The following SLC10A6 variants were observed in gnomAD, a reference collection of about 807,000 sequenced individuals.
The protein encoded by SLC10A6 is sodium-dependent organic anion transporter.
A neutral mutation model predicts 30.0 loss-of-function variants in SLC10A6; 27 were observed. The observed-to-expected ratio is 0.90, with a 90% CI of 0.66 to 1.24. The LOEUF (loss-of-function observed/expected upper bound fraction) is 1.24, where lower values mean the gene tolerates loss of function less well. Among genes scored for constraint, SLC10A6 ranks in the 50% most tolerant of loss-of-function variants. The probability of loss-of-function intolerance (pLI) is 0.00; values close to 1 mark genes in which losing one functional copy is unlikely to be tolerated. For missense variants in SLC10A6, 439 were observed against 457.0 expected, an observed-to-expected ratio of 0.96 and a Z score of 0.36; for synonymous variants, 166 against 173.8, an observed-to-expected ratio of 0.95 and a Z score of 0.36.
chr4:86,835,197 G>T (rs1041935652), intron 1 of SLC10A6, among the ~76,000 whole-genome samples: 2 of 152,178 alleles, frequency 1.3e-5, no homozygotes, highest in African/African-American at 4.8e-5. Context: ...AACACCACAT[G>T]CCATAAGCTC....
Position 86,825,503 on chromosome 4 carries a change from G to A in SLC10A6, c.836C>T (p.Thr279Ile). The change falls in exon 5 of 6, where the codon ACT (threonine) becomes ATT (isoleucine). Residue 279 changes from threonine to isoleucine, a missense_variant. Coordinates refer to ENST00000273905, the MANE Select transcript of SLC10A6 (RefSeq NM_197965.3). ...CAACATCTGGACCAAGTGCTCAGCA[G>A]TGAAAGATAACTGGAGCATGGTGAT... is the stretch of plus-strand genomic sequence containing the variant. The part of the protein sequence containing the change: ...MCITMLQLSF[T>I]AEHLVQMLSF... 1.9e-6 allele frequency: 3 copies of A among 1,613,076 alleles called. No individual in the cohort carries two copies. The highest frequency in any genetic ancestry group is 2.5e-6 in the Non-Finnish European group (3 of 1,179,130).
At chr4:86,846,272 A>C (rs1746389977) in intron 1 of SLC10A6, among the ~76,000 whole-genome samples, 1 of 152,140 alleles carries the variant, frequency 6.6e-6, no homozygotes, top group African/African-American at 2.4e-5. Flanking sequence ...TCTAATATTT[A>C]GTTTTTGCTT....
chr4:86,848,308 T>C (rs1477579644), intron 1 of SLC10A6, among the ~76,000 whole-genome samples: 1 of 152,194 alleles, frequency 6.6e-6, no homozygotes, highest in Non-Finnish European at 1.5e-5. Flanking sequence ...CAGGCATCAC[T>C]GACTGGAGCT....
At chr4:86,826,529 C>T (rs1302282944) in intron 4 of SLC10A6, among the ~76,000 whole-genome samples, 1 of 134,562 alleles carries the variant, frequency 7.4e-6, no homozygotes, top group Non-Finnish European at 1.6e-5. Flanking sequence ...TGCACTCCAG[C>T]CTGGGCAACG....
intron 1 of SLC10A6, among the ~76,000 whole-genome samples, chr4:86,842,820 T>TTC (rs1484183027): frequency 2.0e-5 from 1 of 49,482 alleles, no homozygotes; most frequent in East Asian, 5.8e-4. Flanking sequence ...CTTTCTTTCT[T>TTC]TCTTTCTTTC....
At chr4:86,835,698 C>A (rs1746170073) in intron 1 of SLC10A6, among the ~76,000 whole-genome samples, 1 of 137,930 alleles carries the variant, frequency 7.3e-6, no homozygotes, top group African/African-American at 2.8e-5. Flanking sequence ...GACGAAAAGA[C>A]ACAAGAAAAG....
At chr4:86,837,715 A>G in intron 1 of SLC10A6, 2 of 740,858 alleles carry the variant, frequency 2.7e-6, no homozygotes, top group Non-Finnish European at 3.3e-6. Context: ...GGGAAAGAAA[A>G]TAAATGGAAA....
At chr4:86,837,251 G>GAAAGAAAGAAAGAAAGAAAT (rs1746205059) in intron 1 of SLC10A6, among the ~76,000 whole-genome samples, 1 of 114,924 alleles carries the variant, frequency 8.7e-6, no homozygotes, top group Non-Finnish European at 1.7e-5. Context: ...AAGAAAGAAA[G>GAAAGAAAGAAAGAAAGAAAT]AAAGAAAGAA....
At chr4:86,834,584 T>G (rs1360045853) in intron 1 of SLC10A6, among the ~76,000 whole-genome samples, 1 of 152,248 alleles carries the variant, frequency 6.6e-6, no homozygotes, top group Non-Finnish European at 1.5e-5. Context: ...GTTGCTAGAT[T>G]CAGTGTGATA....
chr4:86,825,351 A>G (rs1387300619), intron 5 of SLC10A6, 69 bp downstream of exon 5: 1 of 1,482,184 alleles, frequency 6.7e-7, no homozygotes, highest in Non-Finnish European at 9.2e-7. Flanking sequence ...TTGGATTGAA[A>G]AAAAAGTTGG....
chr4:86,842,882 T>TTTC (rs1553899610), intron 1 of SLC10A6, among the ~76,000 whole-genome samples: 2 of 98,714 alleles, frequency 2.0e-5, no homozygotes, highest in African/African-American at 3.8e-5. Context: ...TTCTTTTTTT[T>TTTC]TTTGAGATGG....
chr4:86,839,903 AT>A (rs33927377), intron 1 of SLC10A6, among the ~76,000 whole-genome samples: 52,525 of 142,106 alleles, frequency 0.37, 11,289 homozygotes, highest in African/African-American at 0.63. Context: ...TTACACTCTT[AT>A]TTTTTTTTTT....
At chr4:86,827,081 A>G (rs1746011212) in intron 4 of SLC10A6, among the ~76,000 whole-genome samples, 1 of 152,120 alleles carries the variant, frequency 6.6e-6, no homozygotes, top group South Asian at 2.1e-4. Context: ...CAAAGCTGGA[A>G]CTCACACCTG....
chr4:86,848,897 G>A lies in SLC10A6; in HGVS notation c.219C>T (p.Leu73=), dbSNP rs764492536. The change falls in exon 1 of 6, where the codon CTC becomes CTT. Residue 73 remains leucine, a synonymous_variant. Coordinates refer to ENST00000273905, the MANE Select transcript of SLC10A6 (RefSeq NM_197965.3). ...RRPWGIAVGL[L]CQFGLMPFTA... ...TAAAAGGCATGAGCCCAAACTGGCA[G>A]AGCAGTCCCACAGCAATGCCCCAGG... 5 of 1,614,102 alleles carry A rather than the reference G, an allele frequency of 3.1e-6. No homozygotes were observed. The highest frequency in any genetic ancestry group is 2.2e-5 in the South Asian group (2 of 91,092).
chr4:86,832,950 T>G lies in SLC10A6; in HGVS notation c.496+356A>C, dbSNP rs566642478. Among the ~76,000 whole-genome samples, 326 of 152,302 alleles carry G rather than the reference T, an allele frequency of 2.1e-3. 1 individual carries two copies. The highest frequency in any genetic ancestry group is 7.6e-3 in the African/African-American group (314 of 41,576). On this transcript the variant is annotated intron_variant, in intron 2 of 5. Transcript: ENST00000273905. ...TAAAGAGTCCAATTGCTTTATAGTC[T>G]AATTACATAAGGGTTTGATTCCTGC... is the stretch of plus-strand genomic sequence containing the variant.
chr4:86,833,560 G>A (rs7678571), intron 1 of SLC10A6, 136 bp from the exon 2 acceptor site: 148,724 of 580,690 alleles, frequency 0.26, 22,681 homozygotes, highest in African/African-American at 0.55. Flanking sequence ...TTTCTCTCCC[G>A]TTGTTTAACA....
chr4:86,823,814 A>C lies in SLC10A6; in HGVS notation c.1008T>G (p.Thr336=), dbSNP rs558327446. 1 of 1,614,196 alleles carries C rather than the reference A, an allele frequency of 6.2e-7. No homozygotes were observed. The highest frequency in any genetic ancestry group is 1.1e-5 in the South Asian group (1 of 91,054). Residue 336 remains threonine, a synonymous_variant, in exon 6 of 6, where the codon ACT becomes ACG. Coordinates refer to ENST00000273905, the MANE Select transcript of SLC10A6 (RefSeq NM_197965.3). ...AGAAGGCATTGGTCTCTCTGGAAGA[A>C]GTCGATTTCCTCGTATGGCAGACTT... ...CTEVCHTRKS[T]SSRETNAFLE...
rs1560461954 is a variant in SLC10A6 at position 86,842,878 on chromosome 4, T to TA, written c.377+5860_377+5861insT. On this transcript the variant is annotated intron_variant, in intron 1 of 5. Coordinates refer to ENST00000273905, the MANE Select transcript of SLC10A6 (RefSeq NM_197965.3). Reference sequence around the variant, plus strand: ...TCTTTCTTTCTTTCTTTCTTTCTTTTTTTTTTTGAGATGGAGTCTCGCTCT... The same window carrying TA: ...TCTTTCTTTCTTTCTTTCTTTCTTTTATTTTTTTGAGATGGAGTCTCGCTCT... Among the ~76,000 whole-genome samples the TA allele has an allele frequency of 9.4e-4, 80 of 84,730 alleles. 7 individuals are homozygous for TA. The highest frequency in any genetic ancestry group is 9.8e-4 in the Non-Finnish European group (40 of 40,848). The allele number at this position is 84,730 out of a possible 152,430, so 55.6% of individuals were successfully genotyped here. A position where few individuals can be genotyped will look rare whatever the true frequency, so the allele number is the denominator to read the frequency against.
At chr4:86,835,054 A>C (rs1746156906) in intron 1 of SLC10A6, among the ~76,000 whole-genome samples, 1 of 152,228 alleles carries the variant, frequency 6.6e-6, no homozygotes, top group Non-Finnish European at 1.5e-5. Context: ...CCAATACTGG[A>C]ATCACATTTC....
Sources: allele counts gnomAD v4.1 joint callset (sites outside exome capture counted in the v4.1 genomes callset), GRCh38; gene constraint gnomAD v4.1.1; transcripts MANE v1.5; gene names NCBI Gene and HGNC (gene_info 2026-07-23, HGNC 2026-07-21).